The following EPC1 variants were observed in gnomAD, a reference collection of about 807,000 sequenced individuals.
EPC1 encodes enhancer of polycomb 1.
Under a neutral mutation model 98.4 loss-of-function variants are expected in EPC1, and 12 were observed. The observed-to-expected ratio is 0.12, with a 90% CI of 0.08 to 0.20. The LOEUF (loss-of-function observed/expected upper bound fraction) is 0.20. EPC1 is among the 10% of genes least tolerant of loss of function. The pLI, the probability that EPC1 is intolerant of heterozygous loss-of-function variation, is 1.00. For missense variants in EPC1, 729 were observed against 990.5 expected (o/e 0.74, Z 3.54); for synonymous variants, 357 against 363.9 (o/e 0.98, Z 0.21).
intron 10 of EPC1, among the ~76,000 whole-genome samples, chr10:32,280,219 C>A (rs12354491): frequency 1.3e-5 from 2 of 152,094 alleles, no homozygotes; most frequent in African/African-American, 2.4e-5. Flanking sequence ...CTTTGGGAGG[C>A]TAAGGTAGGC....
At chr10:32,334,035 C>T (rs1837801399) in intron 1 of EPC1, among the ~76,000 whole-genome samples, 1 of 152,214 alleles carries the variant, frequency 6.6e-6, no homozygotes, top group East Asian at 1.9e-4. Context: ...CATGTACTAC[C>T]TTTCATGGGG....
intron 2 of EPC1, among the ~76,000 whole-genome samples, chr10:32,304,621 G>C (rs541183206): frequency 3.3e-5 from 5 of 152,208 alleles, no homozygotes; most frequent in African/African-American, 9.6e-5. Flanking sequence ...TGGTCCCCTA[G>C]AAAAACCTCT....
In EPC1 at chr10:32,293,798, G is replaced by A. The variant is rs546923770; in HGVS notation, c.314-61C>T. ...TGAATTCACCGACAAAAACTCCACA[G>A]ATGTCTGCATAAAAACAAGACCTAG... is the stretch of plus-strand genomic sequence containing the variant. On this transcript the variant is annotated intron_variant, in intron 2 of 13. Transcript: ENST00000319778. The A allele has an allele frequency of 1.0e-4, 149 of 1,462,948 alleles. 2 individuals are homozygous for A. Among genetic ancestry groups the A allele is most frequent in the Non-Finnish European group, 1.3e-4 (136 of 1,084,986 alleles). The allele number at this position is 1,462,948 out of a possible 1,614,324, so 90.6% of individuals were successfully genotyped here. A position where few individuals can be genotyped will look rare whatever the true frequency, so the allele number is the denominator to read the frequency against.
At chr10:32,332,920 T>A (rs909454009) in intron 1 of EPC1, among the ~76,000 whole-genome samples, 1 of 152,202 alleles carries the variant, frequency 6.6e-6, no homozygotes, top group African/African-American at 2.4e-5. Context: ...AAAAGTCTCA[T>A]GGTATTTCAT....
Position 32,347,013 on chromosome 10 carries a change from C to T in EPC1, c.-98G>A, listed in dbSNP as rs531018196. 6.5e-7 allele frequency: 1 copy of T among 1,529,086 alleles called. No homozygotes were observed. Among genetic ancestry groups the T allele is most frequent in the Non-Finnish European group, 8.7e-7 (1 of 1,144,972 alleles). 94.7% of individuals were successfully genotyped at this position (1,529,086 alleles called of 1,614,324 possible). A position where few individuals can be genotyped will look rare whatever the true frequency, so the allele number is the denominator to read the frequency against. On this transcript the variant is annotated 5_prime_UTR_variant, in exon 1 of 14. Coordinates refer to ENST00000319778, the MANE Select transcript of EPC1 (RefSeq NM_001272004.3). ...TCGGTCCCCACTCGCCAACCGCTGC[C>T]GGGGACTTGAGGGGCGGAGCGCAGA... is the stretch of plus-strand genomic sequence containing the variant.
intron 1 of EPC1, among the ~76,000 whole-genome samples, chr10:32,374,014 C>A (rs1317347310): frequency 6.6e-6 from 1 of 152,154 alleles, no homozygotes; most frequent in Non-Finnish European, 1.5e-5. Context: ...TTCCTGAGAT[C>A]ATCTTAACCC....
intron 6 of EPC1, 61 bp downstream of exon 6, chr10:32,291,102 C>CA: frequency 2.0e-6 from 3 of 1,494,114 alleles, no homozygotes; most frequent in Non-Finnish European, 2.8e-6. Flanking sequence ...TTTTAACTTT[C>CA]ATTCTAATGA....
intron 10 of EPC1, among the ~76,000 whole-genome samples, chr10:32,276,467 G>A (rs754042758): frequency 4.6e-5 from 7 of 152,196 alleles, no homozygotes; most frequent in South Asian, 2.1e-4. Flanking sequence ...AGCCGAGACC[G>A]CACCACTGCA....
upstream of EPC1, chr10:32,347,193 T>C: frequency 8.1e-7 from 1 of 1,232,540 alleles, no homozygotes; most frequent in Non-Finnish European, 1.0e-6. Flanking sequence ...TTCCCCACAC[T>C]GCATCGCGCA....
chr10:32,285,196 G>A, intron 9 of EPC1, 146 bp from the exon 10 acceptor site: 5 of 577,186 alleles, frequency 8.7e-6, no homozygotes, highest in South Asian at 3.0e-5. Flanking sequence ...TTTAGTGTTT[G>A]GTTTTTATAG....
In EPC1 at chr10:32,327,325, G is replaced by C. The variant is rs192378970; in HGVS notation, c.153+19438C>G. ...GGATATCAGGAGGGACGGGAAACAGGAAGAAGTTGGTCAAGGGGTACAATT... is the reference window on the plus strand; with the variant it reads ...GGATATCAGGAGGGACGGGAAACAGCAAGAAGTTGGTCAAGGGGTACAATT... On this transcript the variant is annotated intron_variant, in intron 1 of 13. Coordinates refer to ENST00000319778, the MANE Select transcript of EPC1 (RefSeq NM_001272004.3). Among the ~76,000 whole-genome samples the C allele has an allele frequency of 2.5e-3, 376 of 152,266 alleles. 3 individuals carry two copies. The highest frequency in any genetic ancestry group is 8.9e-3 in the African/African-American group (371 of 41,554).
Position 32,299,915 on chromosome 10 carries a change from GT to G in EPC1, c.313+5856del, listed in dbSNP as rs1251836442. On this transcript the variant is annotated intron_variant, in intron 2 of 13. Transcript: ENST00000319778. ...TGATTTATGATAATTGCAAAAATGA[GT>G]TTTTTTTTTTATTTTGAGACGGAAG... Among the ~76,000 whole-genome samples the G allele has an allele frequency of 1.5e-4, 22 of 146,804 alleles. No individual in the cohort carries two copies. In the East Asian group the frequency reaches 2.0e-3, roughly 13 times the overall value.
In EPC1 at chr10:32,291,151, A is replaced by G. The variant is rs1466858257; in HGVS notation, c.975+12T>C. 6.2e-7 allele frequency: 1 copy of G among 1,607,736 alleles called. No individual in the cohort carries two copies. The highest frequency in any genetic ancestry group is 8.5e-7 in the Non-Finnish European group (1 of 1,174,896). On this transcript the variant is annotated intron_variant, in intron 6 of 13. Transcript: ENST00000319778. Reference sequence around the variant, plus strand: ...CATTATTAGATACTATTATCACAAAAACATTAATCACCTTATTAACTTTGA... The same window carrying G: ...CATTATTAGATACTATTATCACAAAGACATTAATCACCTTATTAACTTTGA...
At chr10:32,332,803 G>A (rs923811436) in intron 1 of EPC1, among the ~76,000 whole-genome samples, 1 of 152,238 alleles carries the variant, frequency 6.6e-6, no homozygotes, top group African/African-American at 2.4e-5. Flanking sequence ...AGTAATACAT[G>A]TTGATACTGG....
intron 11 of EPC1, 200 bp from the exon 12 acceptor site, chr10:32,272,367 T>G: frequency 2.0e-6 from 1 of 497,604 alleles, no homozygotes. Context: ...AAAAGTAATC[T>G]AAGTTATAAA....
At chr10:32,370,958 T>C (rs1157399147) in intron 1 of EPC1, among the ~76,000 whole-genome samples, 2 of 152,186 alleles carry the variant, frequency 1.3e-5, no homozygotes, top group African/African-American at 4.8e-5. Context: ...TTATGCCTCT[T>C]CAGGATACTT....
chr10:32,341,680 A>G (rs913369), intron 1 of EPC1, among the ~76,000 whole-genome samples: 145,419 of 152,338 alleles, frequency 0.95, 69,777 homozygotes, highest in Middle Eastern at 1. Context: ...TTTCAGGTGC[A>G]TAGGCATGTA....
chr10:32,278,381 TTTTG>T (rs1564520497), intron 10 of EPC1, among the ~76,000 whole-genome samples: 2 of 142,800 alleles, frequency 1.4e-5, no homozygotes, highest in Non-Finnish European at 1.5e-5. Flanking sequence ...GTTTTTTTTT[TTTTG>T]TTTTTTTTTT....
upstream of EPC1, among the ~76,000 whole-genome samples, chr10:32,350,952 C>G (rs146307673): frequency 6.6e-6 from 1 of 152,324 alleles, no homozygotes; most frequent in African/African-American, 2.4e-5. Flanking sequence ...GATCACTTCA[C>G]CCCTAGAAAC....
Sources: gnomAD v4.1 joint callset for allele counts (sites outside exome capture counted in the v4.1 genomes callset) on GRCh38, gnomAD v4.1.1 for gene constraint, MANE v1.5 for transcripts, NCBI Gene and HGNC (gene_info 2026-07-23, HGNC 2026-07-21) for gene names.